Variants in PDGFB observed in about 807,000 individuals in gnomAD.
The protein encoded by PDGFB is platelet-derived growth factor subunit B.
PDGFB carries 6 observed loss-of-function variants against 29.0 expected under a neutral mutation model. The ratio of observed to expected loss-of-function variants is 0.21; its 90% CI spans 0.11 to 0.41. The LOEUF (loss-of-function observed/expected upper bound fraction) is 0.41, where lower values mean the gene tolerates loss of function less well. PDGFB is among the 10% of genes least tolerant of loss of function. The probability of loss-of-function intolerance (pLI) is 1.00; values close to 1 mark genes in which losing one functional copy is unlikely to be tolerated. For missense variants in PDGFB, 299 were observed against 341.8 expected, an observed-to-expected ratio of 0.87 and a Z score of 0.99; for synonymous variants, 144 against 140.8, an observed-to-expected ratio of 1.02 and a Z score of -0.16.
Position 39,233,426 on chromosome 22 carries a change from C to T in PDGFB, c.250+9G>A, listed in dbSNP as rs1359208037. ...TTTGAAGGACCCTTGTTGGGTGTCTCAGTCTTACCCAGGCTCCTTCTTCCA... is the reference window on the plus strand; with the variant it reads ...TTTGAAGGACCCTTGTTGGGTGTCTTAGTCTTACCCAGGCTCCTTCTTCCA... On this transcript the variant is annotated intron_variant, in intron 3 of 6. Coordinates refer to ENST00000331163, the MANE Select transcript of PDGFB (RefSeq NM_002608.4). 4 of 1,588,770 alleles carry T rather than the reference C, an allele frequency of 2.5e-6. No homozygotes were observed. The highest frequency in any genetic ancestry group is 2.6e-6 in the Non-Finnish European group (3 of 1,167,160).
intron 4 of PDGFB, 120 bp from the exon 5 acceptor site, chr22:39,230,348 G>C (rs1171370209): frequency 2.0e-6 from 2 of 994,206 alleles, no homozygotes; most frequent in South Asian, 1.4e-5. Context: ...TCGAAAGCCC[G>C]GAGAGCAGGC....
At chr22:39,241,622 G>A (rs553149087) in intron 1 of PDGFB, among the ~76,000 whole-genome samples, 4 of 152,370 alleles carry the variant, frequency 2.6e-5, no homozygotes, top group African/African-American at 9.6e-5. Flanking sequence ...AGCTGGAAAT[G>A]GTAAGGGGAG....
At chr22:39,239,884 C>T (rs377021371) in intron 1 of PDGFB, among the ~76,000 whole-genome samples, 3 of 152,176 alleles carry the variant, frequency 2.0e-5, no homozygotes, top group Admixed American at 6.5e-5. Context: ...CTCCCCGGCC[C>T]GCCTGCCATT....
chr22:39,231,857 C>A lies in PDGFB; in HGVS notation c.251-30G>T. Reference sequence around the variant, plus strand: ...GAGGAGACGAAACCTGGGTCAGGAGCGTAGGCCTGTCCAGAGTCCCCCCAC... The same window carrying A: ...GAGGAGACGAAACCTGGGTCAGGAGAGTAGGCCTGTCCAGAGTCCCCCCAC... On this transcript the variant is annotated intron_variant, in intron 3 of 6. Coordinates refer to ENST00000331163, the MANE Select transcript of PDGFB (RefSeq NM_002608.4). The surrounding 1 kb of genome is among the most constrained non-coding windows in gnomAD (Gnocchi z 4.3). 6.3e-7 allele frequency: 1 copy of A among 1,591,998 alleles called. No individual in the cohort carries two copies. The highest frequency in any genetic ancestry group is 1.1e-5 in the South Asian group (1 of 89,420).
chr22:39,228,745 C>T (rs562315846), intron 5 of PDGFB, among the ~76,000 whole-genome samples: 8 of 151,838 alleles, frequency 5.3e-5, no homozygotes, highest in East Asian at 1.9e-4. Context: ...AAAAATTAGC[C>T]GGGTGTAGTG....
intron 3 of PDGFB, 80 bp downstream of exon 3, chr22:39,233,355 C>T (rs1472321884): frequency 1.2e-5 from 13 of 1,080,346 alleles, no homozygotes; most frequent in South Asian, 8.6e-5. Flanking sequence ...CGGGGCCCTC[C>T]GACTGGCTGC....
Position 39,243,897 on chromosome 22 carries a change from T to C in PDGFB, c.63+4A>G. The stretch of plus-strand genomic sequence containing the variant: ...AACCAGCCCCAGCCGCCGTGGCAAC[T>C]CACCTCGGCGCTGACCAGACGCAGG... On this transcript the variant is annotated splice_donor_region_variant and intron_variant, in intron 1 of 6. Transcript: ENST00000331163. This position sits in a 1 kb window ranked among gnomAD's most constrained non-coding sequence, Gnocchi z 6.4. The C allele has an allele frequency of 6.2e-7, 1 of 1,601,896 alleles. No individual in the cohort carries two copies. Among genetic ancestry groups the C allele is most frequent in the Non-Finnish European group, 8.5e-7 (1 of 1,174,056 alleles).
At chr22:39,235,239 A>C (rs908227770) in intron 2 of PDGFB, among the ~76,000 whole-genome samples, 8 of 152,262 alleles carry the variant, frequency 5.3e-5, no homozygotes, top group Admixed American at 2.0e-4. Context: ...TTAGAATAGA[A>C]TGGAATTTGC....
In PDGFB at chr22:39,242,776, C is replaced by A; in HGVS notation, c.63+1125G>T. ...CCTGGCTGGAGGCCGCAGGGGCCGACCCTCCCCGGGAGCCGGCGAGGTGCG... is the reference window on the plus strand; with the variant it reads ...CCTGGCTGGAGGCCGCAGGGGCCGAACCTCCCCGGGAGCCGGCGAGGTGCG... On this transcript the variant is annotated intron_variant, in intron 1 of 6. Coordinates refer to ENST00000331163, the MANE Select transcript of PDGFB (RefSeq NM_002608.4). The surrounding 1 kb of genome is among the most constrained non-coding windows in gnomAD (Gnocchi z 5.7). 1 of 230,820 alleles carries A rather than the reference C, an allele frequency of 4.3e-6. No individual in the cohort carries two copies. Among genetic ancestry groups the A allele is most frequent in the Non-Finnish European group, 8.6e-6 (1 of 116,396 alleles). 14.3% of individuals were successfully genotyped at this position (230,820 alleles called of 1,614,324 possible). A position where few individuals can be genotyped will look rare whatever the true frequency, so the allele number is the denominator to read the frequency against.
In PDGFB at chr22:39,235,792, T is replaced by C. The variant is rs761833789; in HGVS notation, c.146A>G (p.His49Arg). 3 of 1,613,032 alleles carry C rather than the reference T, an allele frequency of 1.9e-6. No homozygotes were observed. Among genetic ancestry groups the C allele is most frequent in the Middle Eastern group, 1.7e-4 (1 of 6,060 alleles). The part of the protein sequence containing the change: ...RSFDDLQRLL[H>R]GDPGEEDGAE... ...ATTCCATTTACCTCCGGGGTCTCCGTGCAGCAGGCGTTGGAGATCATCAAA... is the reference window on the plus strand; with the variant it reads ...ATTCCATTTACCTCCGGGGTCTCCGCGCAGCAGGCGTTGGAGATCATCAAA... Residue 49 changes from histidine to arginine, a missense_variant, in exon 2 of 7, where the codon CAC (histidine) becomes CGC (arginine). Transcript: ENST00000331163.
At chr22:39,237,358 T>C (rs192570394) in intron 1 of PDGFB, among the ~76,000 whole-genome samples, 2 of 152,230 alleles carry the variant, frequency 1.3e-5, no homozygotes, top group Admixed American at 1.3e-4. Context: ...AGTCTCCATG[T>C]CTTTGTTTGA....
chr22:39,239,169 CATTA>C (rs1039187013), intron 1 of PDGFB, among the ~76,000 whole-genome samples: 10 of 152,218 alleles, frequency 6.6e-5, no homozygotes, highest in African/African-American at 2.4e-4. Flanking sequence ...CTGTCATCAT[CATTA>C]ATTCTTTCCG....
At position 39,231,741 on chromosome 22, in the gene PDGFB, G is replaced by C. The variant is rs368705930; in HGVS notation, c.337C>G (p.Arg113Gly). Residue 113 changes from arginine to glycine, a missense_variant, in exon 4 of 7, where the codon CGC becomes GGC. By Grantham distance (125) the Arg-to-Gly change is moderately radical. Coordinates refer to ENST00000331163, the MANE Select transcript of PDGFB (RefSeq NM_002608.4). This position sits in a 1 kb window ranked among gnomAD's most constrained non-coding sequence, Gnocchi z 4.3. ...CACACCAGGAAGTTGGCGTTGGTGC[G>C]GTCTATGAGGCGCCGGGAGATCTCG... ...VFEISRRLID[R>G]TNANFLVWPP... The C allele has an allele frequency of 6.2e-7, 1 of 1,612,880 alleles. No individual in the cohort carries two copies. Among genetic ancestry groups the C allele is most frequent in the Non-Finnish European group, 8.5e-7 (1 of 1,179,616 alleles).
chr22:39,233,588 G>T, intron 2 of PDGFB, 64 bp from the exon 3 acceptor site: 2 of 1,184,654 alleles, frequency 1.7e-6, no homozygotes, highest in Non-Finnish European at 2.4e-6. Context: ...CCCTCCGCCG[G>T]GGTGTCTGGG....
Position 39,231,534 on chromosome 22 carries a change from C to G in PDGFB, c.456+88G>C. The G allele has an allele frequency of 1.0e-6, 1 of 1,003,646 alleles. No homozygotes were observed. Among genetic ancestry groups the G allele is most frequent in the Non-Finnish European group, 1.4e-6 (1 of 694,536 alleles). 62.2% of individuals were successfully genotyped at this position (1,003,646 alleles called of 1,614,324 possible). On this transcript the variant is annotated intron_variant, in intron 4 of 6. Transcript: ENST00000331163. The surrounding 1 kb of genome is among the most constrained non-coding windows in gnomAD (Gnocchi z 4.3). ...CCTTCGACACACCACTCTGCCCAGT[C>G]AAGGAAGCCTGGTCAGGTATGAGCC...
chr22:39,230,274 A>G, intron 4 of PDGFB, 46 bp from the exon 5 acceptor site: 1 of 1,606,280 alleles, frequency 6.2e-7, no homozygotes, highest in South Asian at 1.1e-5. Flanking sequence ...CCACACAGCC[A>G]GGAGCCCGGG....
rs142441489 is a variant in PDGFB at position 39,232,203 on chromosome 22, T to G, written c.251-376A>C. 4.0e-3 allele frequency among the ~76,000 whole-genome samples: 615 copies of G among 152,380 alleles called. 6 individuals are homozygous for G. The highest frequency in any genetic ancestry group is 0.014 in the African/African-American group (592 of 41,588). On this transcript the variant is annotated intron_variant, in intron 3 of 6. Coordinates refer to ENST00000331163, the MANE Select transcript of PDGFB (RefSeq NM_002608.4). ...TTATGGGCTTGCCCAACATGTGGTT[T>G]TTATGCAGGTACCATATTAGCTCGA...
intron 5 of PDGFB, among the ~76,000 whole-genome samples, chr22:39,227,348 C>T (rs1327274548): frequency 6.6e-6 from 1 of 152,384 alleles, no homozygotes; most frequent in South Asian, 2.1e-4. Flanking sequence ...CCTGCCTTGG[C>T]CTCCCAAAGT....
rs1377932029 is a variant in PDGFB at position 39,225,760 on chromosome 22, T to C, written c.689A>G (p.His230Arg). ...KGKHRKFKHT[H>R]DKTALKETLG... ...GGTCTCCTTCAGTGCCGTCTTGTCA[T>C]GCGTGTGCTTGAATTTCCGGTGCTT... The change falls in exon 6 of 7, where the codon CAT becomes CGT. Residue 230 changes from histidine (H) to arginine (R), a missense_variant. His to Arg is a conservative substitution (Grantham distance 29). Transcript: ENST00000331163. 5 of 1,614,172 alleles carry C rather than the reference T, an allele frequency of 3.1e-6. No homozygotes were observed. The highest frequency in any genetic ancestry group is 1.7e-5 in the Admixed American group (1 of 60,024).
Sources: allele counts gnomAD v4.1 joint callset (sites outside exome capture counted in the v4.1 genomes callset), GRCh38; gene constraint gnomAD v4.1.1; non-coding constraint Gnocchi (gnomAD v3.1); transcripts MANE v1.5; gene names NCBI Gene and HGNC (gene_info 2026-07-23, HGNC 2026-07-21).